ARB2A: variants seen among roughly 807,000 people sequenced by gnomAD.
ARB2A encodes cotranscriptional regulator ARB2A.
the ARB2A span, among the ~76,000 whole-genome samples, chr5:93,688,264 G>A: frequency 5.9e-5 from 9 of 152,156 alleles, no homozygotes; most frequent in African/African-American, 1.7e-4. Context: ...GTAAGCCACC[G>A]CGCCTGGCCA....
At chr5:94,061,095 G>A in the ARB2A span, among the ~76,000 whole-genome samples, 6 of 151,988 alleles carry the variant, frequency 3.9e-5, no homozygotes, top group African/African-American at 9.7e-5. Context: ...AAAATTAGCC[G>A]GGCATGGTGG....
chr5:93,748,089 G>A, the ARB2A span, among the ~76,000 whole-genome samples: 3 of 152,230 alleles, frequency 2.0e-5, no homozygotes, highest in South Asian at 6.2e-4. Flanking sequence ...ATTCAAGCAA[G>A]ACATTGGTCT....
the ARB2A span, among the ~76,000 whole-genome samples, chr5:94,086,527 T>C: frequency 6.6e-6 from 1 of 151,970 alleles, no homozygotes; most frequent in Non-Finnish European, 1.5e-5. Flanking sequence ...TTGATAAAGA[T>C]AATAAACGAC....
the ARB2A span, among the ~76,000 whole-genome samples, chr5:94,110,990 T>A: frequency 6.6e-6 from 1 of 152,162 alleles, no homozygotes; most frequent in Admixed American, 6.5e-5. Flanking sequence ...CTTACTTTAT[T>A]TCAAAGTCAA....
the ARB2A span, among the ~76,000 whole-genome samples, chr5:93,918,099 T>C: frequency 3.3e-5 from 5 of 152,276 alleles, no homozygotes; most frequent in African/African-American, 4.8e-5. Context: ...ATTTCTTTAT[T>C]CCTAAGTTTA....
the ARB2A span, among the ~76,000 whole-genome samples, chr5:93,886,120 A>G: frequency 6.6e-6 from 1 of 151,702 alleles, no homozygotes; most frequent in Admixed American, 6.6e-5. Context: ...ATCTGATAAA[A>G]CTGAAGACTT....
chr5:93,838,574 G>A, the ARB2A span, among the ~76,000 whole-genome samples: 2 of 151,666 alleles, frequency 1.3e-5, no homozygotes. Flanking sequence ...TTCTAATTCT[G>A]TGAAGAATCT....
the ARB2A span, among the ~76,000 whole-genome samples, chr5:93,801,677 C>T: frequency 4.8e-4 from 73 of 152,200 alleles, no homozygotes; most frequent in Non-Finnish European, 9.4e-4. Context: ...CATGCACACA[C>T]ACTGTACACA....
the ARB2A span, among the ~76,000 whole-genome samples, chr5:93,921,957 C>T: frequency 3.7e-4 from 57 of 152,048 alleles, 1 homozygote; most frequent in Admixed American, 2.8e-3. Context: ...CTGAAGATGT[C>T]GAGGTGGTCT....
chr5:93,870,637 C>T, the ARB2A span, among the ~76,000 whole-genome samples: 8 of 152,112 alleles, frequency 5.3e-5, no homozygotes, highest in African/African-American at 1.4e-4. Context: ...TCATTAAAAA[C>T]GCAATGAAGA....
the ARB2A span, among the ~76,000 whole-genome samples, chr5:93,702,835 A>G: frequency 6.6e-6 from 1 of 152,142 alleles, no homozygotes; most frequent in Non-Finnish European, 1.5e-5. Flanking sequence ...AGATATTTTC[A>G]AGTTTAAGAG....
At chr5:93,649,155 TA>T in the ARB2A span, among the ~76,000 whole-genome samples, 3 of 152,188 alleles carry the variant, frequency 2.0e-5, no homozygotes, top group African/African-American at 7.2e-5. Context: ...TATTTTTGTT[TA>T]AAAATGCATT....
the ARB2A span, among the ~76,000 whole-genome samples, chr5:94,061,910 G>A: frequency 6.6e-6 from 1 of 152,134 alleles, no homozygotes. Flanking sequence ...TTGCAGTAAA[G>A]TTTTTTGCAG....
At chr5:93,842,593 C>A in the ARB2A span, among the ~76,000 whole-genome samples, 5 of 152,018 alleles carry the variant, frequency 3.3e-5, no homozygotes, top group Non-Finnish European at 7.4e-5. Context: ...GAAGAGAGAG[C>A]AGATAGAAGA....
chr5:93,838,914 G>T, the ARB2A span, among the ~76,000 whole-genome samples: 2 of 152,196 alleles, frequency 1.3e-5, no homozygotes, highest in African/African-American at 4.8e-5. Context: ...AAACTTTGCA[G>T]AAATTGTTTA....
chr5:93,643,782 C>T, the ARB2A span, among the ~76,000 whole-genome samples: 62 of 152,286 alleles, frequency 4.1e-4, no homozygotes, highest in African/African-American at 1.4e-3. Flanking sequence ...GCGAGAGCCA[C>T]CACACCTAGC....
chr5:94,066,422 GCACA>G, the ARB2A span, among the ~76,000 whole-genome samples: 23,975 of 132,302 alleles, frequency 0.18, 2,243 homozygotes, highest in African/African-American at 0.28. Context: ...GCCAGACTAA[GCACA>G]CACACACACA....
chr5:93,783,523 T>C, the ARB2A span, among the ~76,000 whole-genome samples: 3 of 152,122 alleles, frequency 2.0e-5, no homozygotes, highest in Non-Finnish European at 2.9e-5. Context: ...CACAGTCCTA[T>C]GGTGTCAGCT....
chr5:94,030,399 G>A, the ARB2A span, among the ~76,000 whole-genome samples: 1 of 152,194 alleles, frequency 6.6e-6, no homozygotes, highest in Non-Finnish European at 1.5e-5. Context: ...GTAGGACTGA[G>A]ATCCACATTT....
Sources: gnomAD v4.1 joint callset for allele counts (sites outside exome capture counted in the v4.1 genomes callset) on GRCh38, gnomAD v4.1.1 for gene constraint, MANE v1.5 for transcripts, NCBI Gene and HGNC (gene_info 2026-07-23, HGNC 2026-07-21) for gene names.